Variants in SNX18 observed in about 807,000 individuals in gnomAD.
SNX18 encodes the protein sorting nexin 18.
SNX18 carries 35 observed loss-of-function variants against 48.7 expected under a neutral mutation model. The observed-to-expected ratio is 0.72, with a 90% CI of 0.55 to 0.95. The LOEUF (loss-of-function observed/expected upper bound fraction) is 0.95. Ranked by LOEUF, SNX18 falls within the 40% of genes least tolerant of loss-of-function variation. The pLI is 0.00. For synonymous variants in SNX18, 492 were observed against 384.7 expected (o/e 1.28, Z -3.26); for missense variants, 824 against 871.0 (o/e 0.95, Z 0.68).
At chr5:54,610,623 T>C in the SNX18 span, among the ~76,000 whole-genome samples, 2 of 152,252 alleles carry the variant, frequency 1.3e-5, no homozygotes, top group African/African-American at 4.8e-5. Context: ...ATTATTTGCA[T>C]AATGTTATTG....
At chr5:54,602,260 G>T in the SNX18 span, among the ~76,000 whole-genome samples, 1 of 152,142 alleles carries the variant, frequency 6.6e-6, no homozygotes, top group East Asian at 1.9e-4. Context: ...CACACAGGCC[G>T]CATAATATGG....
At chr5:54,595,267 G>A in the SNX18 span, among the ~76,000 whole-genome samples, 15 of 152,090 alleles carry the variant, frequency 9.9e-5, no homozygotes, top group Non-Finnish European at 1.5e-4. Context: ...ATGGAGTCTC[G>A]CTCTGTCACT....
At chr5:54,608,537 C>A in the SNX18 span, among the ~76,000 whole-genome samples, 2 of 152,124 alleles carry the variant, frequency 1.3e-5, no homozygotes, top group Admixed American at 6.5e-5. Context: ...CACCCAGCCG[C>A]CATGCTTTTT....
chr5:54,562,143 C>T, the SNX18 span, among the ~76,000 whole-genome samples: 1 of 152,126 alleles, frequency 6.6e-6, no homozygotes, highest in African/African-American at 2.4e-5. Flanking sequence ...TCTTTCAAAC[C>T]TCAGACAGCT....
At chr5:54,568,297 G>T in the SNX18 span, among the ~76,000 whole-genome samples, 1 of 152,162 alleles carries the variant, frequency 6.6e-6, no homozygotes, top group Non-Finnish European at 1.5e-5. Flanking sequence ...ACACTTTATG[G>T]TAGGAACTTC....
the SNX18 span, among the ~76,000 whole-genome samples, chr5:54,609,612 C>T: frequency 7.9e-5 from 12 of 152,072 alleles, no homozygotes; most frequent in Non-Finnish European, 1.8e-4. Flanking sequence ...GAAAAAGCCT[C>T]AAATCCTTCT....
At chr5:54,646,505 T>G in the SNX18 span, among the ~76,000 whole-genome samples, 1 of 152,184 alleles carries the variant, frequency 6.6e-6, no homozygotes, top group African/African-American at 2.4e-5. Context: ...AGGAGAGGCT[T>G]GAAGGCTTTT....
the SNX18 span, among the ~76,000 whole-genome samples, chr5:54,583,058 G>A: frequency 6.6e-6 from 1 of 152,312 alleles, no homozygotes; most frequent in East Asian, 1.9e-4. Context: ...AAATGTCCTT[G>A]TATTATTCAC....
downstream of SNX18, among the ~76,000 whole-genome samples, chr5:54,549,068 G>A (rs76225615): frequency 0.013 from 1,923 of 152,190 alleles, 32 homozygotes; most frequent in African/African-American, 0.042. Context: ...ATTGTTTGAG[G>A]TGGAATATTT....
the SNX18 span, among the ~76,000 whole-genome samples, chr5:54,626,522 G>T: frequency 2.1e-4 from 32 of 152,184 alleles, no homozygotes; most frequent in African/African-American, 6.3e-4. Context: ...GCAGCTCTCT[G>T]CTTTGCTTCT....
chr5:54,597,384 T>C, the SNX18 span, among the ~76,000 whole-genome samples: 2 of 150,724 alleles, frequency 1.3e-5, no homozygotes, highest in Non-Finnish European at 3.0e-5. Flanking sequence ...CTGGGCCAAG[T>C]TGACCTGATA....
Position 54,523,357 on chromosome 5 carries a change from G to A in SNX18, c.1621+3784G>A, listed in dbSNP as rs1395442025. Among the ~76,000 whole-genome samples, 4 of 152,214 alleles carry A rather than the reference G, an allele frequency of 2.6e-5. No individual in the cohort carries two copies. In the East Asian group the frequency reaches 5.8e-4, roughly 22 times the overall value. Reference sequence around the variant, plus strand: ...CTAATATTTAATAAAGCTAAATCTAGGTGGCAGCAAGTTGAGGTTTAAAAG... The same window carrying A: ...CTAATATTTAATAAAGCTAAATCTAAGTGGCAGCAAGTTGAGGTTTAAAAG... On this transcript the variant is annotated intron_variant, in intron 1 of 1. Coordinates refer to ENST00000381410, the MANE Select transcript of SNX18 (RefSeq NM_001102575.2).
intron 1 of SNX18, among the ~76,000 whole-genome samples, chr5:54,540,406 G>A (rs1317189966): frequency 1.3e-5 from 2 of 151,922 alleles, no homozygotes; most frequent in East Asian, 1.9e-4. Flanking sequence ...TCATAGGGAT[G>A]GGGTTTCACC....
chr5:54,642,495 C>T, the SNX18 span, among the ~76,000 whole-genome samples: 100 of 151,964 alleles, frequency 6.6e-4, 2 homozygotes, highest in Admixed American at 3.9e-4. Flanking sequence ...TACTTCTTGC[C>T]AAACAGGGTC....
At position 54,518,476 on chromosome 5, in the gene SNX18, C is replaced by T. The variant is rs768893036; in HGVS notation, c.524C>T (p.Ala175Val). The change falls in exon 1 of 2, where the codon GCA becomes GTA. Residue 175 changes from alanine (A) to valine (V), a missense_variant. Coordinates refer to ENST00000381410, the MANE Select transcript of SNX18 (RefSeq NM_001102575.2). ...GAGCCGGGCGCTCTGGGCAGCGGAG[C>T]ATACCCGGACCTCGACGGCTCGTCT... The part of the protein sequence containing the change: ...ADEPGALGSG[A>V]YPDLDGSSSA... 3.8e-6 allele frequency: 6 copies of T among 1,570,462 alleles called. No homozygotes were observed. Among genetic ancestry groups the T allele is most frequent in the Non-Finnish European group, 5.2e-6 (6 of 1,158,542 alleles).
At chr5:54,523,950 C>G (rs1384570295) in intron 1 of SNX18, among the ~76,000 whole-genome samples, 2 of 152,230 alleles carry the variant, frequency 1.3e-5, no homozygotes, top group African/African-American at 4.8e-5. Context: ...GAGAAAAGCT[C>G]TAAGAAGTTG....
the SNX18 span, among the ~76,000 whole-genome samples, chr5:54,634,914 C>T: frequency 2.6e-5 from 4 of 151,336 alleles, no homozygotes; most frequent in African/African-American, 9.7e-5. Context: ...AATTAACTAA[C>T]TGAATTTCCT....
the SNX18 span, among the ~76,000 whole-genome samples, chr5:54,576,028 A>G: frequency 2.6e-5 from 4 of 152,198 alleles, no homozygotes; most frequent in Admixed American, 6.5e-5. Flanking sequence ...AATTATCAAA[A>G]CATATATGCT....
chr5:54,555,651 C>G, the SNX18 span, among the ~76,000 whole-genome samples: 1 of 151,816 alleles, frequency 6.6e-6, no homozygotes, highest in African/African-American at 2.4e-5. Context: ...CACAGTGAAA[C>G]CCTGTTTCTA....
Sources: allele counts gnomAD v4.1 joint callset (sites outside exome capture counted in the v4.1 genomes callset), GRCh38; gene constraint gnomAD v4.1.1; transcripts MANE v1.5; gene names NCBI Gene and HGNC (gene_info 2026-07-23, HGNC 2026-07-21).